The following SLC13A2 variants were observed in gnomAD, a reference collection of about 807,000 sequenced individuals.
SLC13A2 encodes the protein solute carrier family 13 member 2.
SLC13A2 carries 40 observed loss-of-function variants against 58.5 expected under a neutral mutation model. That is an observed-to-expected ratio of 0.68 (90% CI 0.53 to 0.89). The LOEUF (loss-of-function observed/expected upper bound fraction) is 0.89, where lower values mean the gene tolerates loss of function less well. SLC13A2 is among the 40% of genes least tolerant of loss of function. The pLI is 0.00. For synonymous variants in SLC13A2, 341 were observed against 331.6 expected (o/e 1.03, Z -0.31); for missense variants, 694 against 772.6 (o/e 0.90, Z 1.21).
intron 1 of SLC13A2, among the ~76,000 whole-genome samples, chr17:28,486,775 A>T (rs117630788): frequency 0.017 from 2,483 of 149,858 alleles, 21 homozygotes; most frequent in Non-Finnish European, 0.026. Context: ...ACTGGAACAC[A>T]TGGAGGCGAG....
intron 1 of SLC13A2, among the ~76,000 whole-genome samples, chr17:28,482,196 T>C (rs1044949882): frequency 6.1e-5 from 9 of 148,524 alleles, no homozygotes; most frequent in Non-Finnish European, 1.2e-4. Flanking sequence ...AGTTTTTTTG[T>C]TTGTTTGTTT....
intron 1 of SLC13A2, among the ~76,000 whole-genome samples, chr17:28,479,368 C>T (rs1022197628): frequency 1.1e-4 from 16 of 151,932 alleles, no homozygotes; most frequent in Non-Finnish European, 2.2e-4. Context: ...TCGAGTGAGG[C>T]CTTAAGAGGC....
rs553769054 is a variant in SLC13A2 at position 28,494,169 on chromosome 17, T to C, written c.1186+64T>C. On this transcript the variant is annotated intron_variant, in intron 8 of 11. Coordinates refer to ENST00000314669, the MANE Select transcript of SLC13A2 (RefSeq NM_003984.4). The surrounding 1 kb of genome is among the most constrained non-coding windows in gnomAD (Gnocchi z 4.0). The stretch of plus-strand genomic sequence containing the variant: ...AGCCCCTGCCTTCAAGTATGTAATG[T>C]ACCTTCCACCACACTTGGCAGGAGT... The C allele has an allele frequency of 1.6e-5, 24 of 1,523,274 alleles. No homozygotes were observed. In the South Asian group the frequency reaches 2.4e-4, roughly 15 times the overall value. The allele number at this position is 1,523,274 out of a possible 1,614,324, so 94.4% of individuals were successfully genotyped here.
intron 3 of SLC13A2, 25 bp from the exon 4 acceptor site, chr17:28,490,676 A>T (rs2068994647): frequency 6.2e-7 from 1 of 1,601,618 alleles, no homozygotes; most frequent in South Asian, 1.1e-5. Flanking sequence ...CTGGAACAGC[A>T]GTGTGTCTGT....
In SLC13A2 at chr17:28,491,814, G is replaced by A; in HGVS notation, c.840G>A (p.Leu280=). Residue 280 remains leucine (L), a synonymous_variant, in exon 6 of 12, where the codon CTG becomes CTA. Coordinates refer to ENST00000314669, the MANE Select transcript of SLC13A2 (RefSeq NM_003984.4). ...CCACCATGGTCATCTTGCTGCTGCT[G>A]GCCTGGTTGTGGCTGCAGATCCTCT... ...AFPTMVILLL[L]AWLWLQILFL... is the part of the protein sequence containing the mutation. 4.3e-6 allele frequency: 7 copies of A among 1,614,192 alleles called. No individual in the cohort carries two copies. The Admixed American group carries it at 6.7e-5, about 15-fold the overall frequency.
rs1189903602 is a variant in SLC13A2, at chr17:28,497,484, G to A, written c.*215G>A. On this transcript the variant is annotated 3_prime_UTR_variant, in exon 12 of 12. Transcript: ENST00000314669. ...TGTGTGCATGTGTGTGTGCGCATAT[G>A]TGTGCGCCTGCATGGATGTGAGGGG... is the stretch of plus-strand genomic sequence containing the variant. 5.1e-6 allele frequency: 3 copies of A among 582,538 alleles called. No individual in the cohort carries two copies. The highest frequency in any genetic ancestry group is 9.0e-6 in the Non-Finnish European group (3 of 332,370). The allele number at this position is 582,538 out of a possible 1,614,324, so 36.1% of individuals were successfully genotyped here.
intron 1 of SLC13A2, among the ~76,000 whole-genome samples, chr17:28,479,728 G>A (rs1041767967): frequency 2.0e-5 from 3 of 152,206 alleles, no homozygotes; most frequent in Admixed American, 6.5e-5. Flanking sequence ...TTTAAAATCT[G>A]TGTAATTAAG....
At chr17:28,477,416 G>A (rs181101878) in intron 1 of SLC13A2, among the ~76,000 whole-genome samples, 4,514 of 151,702 alleles carry the variant, frequency 0.03, 186 homozygotes, top group African/African-American at 0.099. Context: ...GGATGGTCTT[G>A]ATCTCCTGAC....
chr17:28,491,723 C>T lies in SLC13A2; in HGVS notation c.756-7C>T. 1.2e-6 allele frequency: 2 copies of T among 1,614,050 alleles called. No individual in the cohort carries two copies. Among genetic ancestry groups the T allele is most frequent in the Non-Finnish European group, 1.7e-6 (2 of 1,179,912 alleles). ...ATGTCACACGGCAGCCCATGTTCCT[C>T]CTTCAGGCTCTTCCCCCAAAACGGC... On this transcript the variant is annotated splice_polypyrimidine_tract_variant and splice_region_variant and intron_variant, in intron 5 of 11. Transcript: ENST00000314669.
intron 1 of SLC13A2, among the ~76,000 whole-genome samples, chr17:28,485,132 C>G (rs899080160): frequency 1.8e-4 from 28 of 152,296 alleles, no homozygotes; most frequent in Middle Eastern, 3.4e-3. Context: ...CCCTGCTGGC[C>G]TGGGGAAGGA....
intron 7 of SLC13A2, 67 bp downstream of exon 7, chr17:28,493,856 T>C (rs781872986): frequency 3.9e-6 from 6 of 1,531,252 alleles, no homozygotes; most frequent in Admixed American, 1.7e-5. Flanking sequence ...GAGGGAAGGG[T>C]ATAGGGCCCC....
In SLC13A2 at chr17:28,494,382, G is replaced by C. The variant is rs1401004994; in HGVS notation, c.1187-9G>C. 3.7e-6 allele frequency: 6 copies of C among 1,614,160 alleles called. No homozygotes were observed. Among genetic ancestry groups the C allele is most frequent in the Middle Eastern group, 1.6e-4 (1 of 6,062 alleles). On this transcript the variant is annotated splice_polypyrimidine_tract_variant and intron_variant, in intron 8 of 11. Transcript: ENST00000314669. This position sits in a 1 kb window ranked among gnomAD's most constrained non-coding sequence, Gnocchi z 4.0. ...TTTGGTGACCCATCCTTCTCTGCTT[G>C]GGAAGTAGAAAACCCAGGGAAGCTG...
At chr17:28,489,995 C>T (rs913028536) in intron 2 of SLC13A2, among the ~76,000 whole-genome samples, 88 of 152,108 alleles carry the variant, frequency 5.8e-4, no homozygotes, top group Admixed American at 2.1e-3. Context: ...TAATCCAGGC[C>T]GGGTGTGGTG....
At chr17:28,491,993 G>T in intron 6 of SLC13A2, 141 bp downstream of exon 6, 1 of 1,253,126 alleles carries the variant, frequency 8.0e-7, no homozygotes, top group South Asian at 1.6e-5. Context: ...CTGTGCACTT[G>T]GACCCCCATT....
intron 1 of SLC13A2, among the ~76,000 whole-genome samples, chr17:28,482,267 G>A (rs781843833): frequency 6.6e-6 from 1 of 151,976 alleles, no homozygotes; most frequent in Non-Finnish European, 1.5e-5. Flanking sequence ...TGCCCAGGCT[G>A]GTTTGAACTC....
At chr17:28,485,764 AT>A (rs2068868273) in intron 1 of SLC13A2, among the ~76,000 whole-genome samples, 1 of 151,982 alleles carries the variant, frequency 6.6e-6, no homozygotes, top group African/African-American at 2.4e-5. Flanking sequence ...AGGTGGGAGG[AT>A]CACTTGAAAC....
At chr17:28,484,927 C>A (rs1293003325) in intron 1 of SLC13A2, among the ~76,000 whole-genome samples, 3 of 152,082 alleles carry the variant, frequency 2.0e-5, no homozygotes, top group African/African-American at 7.2e-5. Context: ...AGGATCTGAA[C>A]AGGGTGACTT....
At chr17:28,481,788 A>G (rs1555601199) in intron 1 of SLC13A2, among the ~76,000 whole-genome samples, 1 of 152,080 alleles carries the variant, frequency 6.6e-6, no homozygotes, top group African/African-American at 2.4e-5. Flanking sequence ...GCATCTGCCT[A>G]TTCTTCCTGG....
intron 1 of SLC13A2, among the ~76,000 whole-genome samples, chr17:28,479,961 C>T (rs1244364217): frequency 6.6e-6 from 1 of 152,084 alleles, no homozygotes; most frequent in Non-Finnish European, 1.5e-5. Flanking sequence ...TCGAGACCAG[C>T]CTGGCCAAGA....
Sources: gnomAD v4.1 joint callset for allele counts (sites outside exome capture counted in the v4.1 genomes callset) on GRCh38, gnomAD v4.1.1 for gene constraint, Gnocchi (gnomAD v3.1) non-coding constraint, MANE v1.5 for transcripts, NCBI Gene and HGNC (gene_info 2026-07-23, HGNC 2026-07-21) for gene names.